PLPPR4: variants seen among roughly 807,000 people sequenced by gnomAD.
The protein encoded by PLPPR4 is phospholipid phosphatase-related protein type 4.
Under a neutral mutation model 56.6 loss-of-function variants are expected in PLPPR4, and 24 were observed. The observed-to-expected ratio is 0.42, with a 90% CI of 0.31 to 0.60. PLPPR4 has a LOEUF of 0.60. Among genes scored for constraint, PLPPR4 ranks in the 20% least tolerant of loss-of-function variants. PLPPR4 has a pLI of 0.13. For synonymous variants in PLPPR4, 326 were observed against 328.1 expected (o/e 0.99, Z 0.07); for missense variants, 654 against 885.8 (o/e 0.74, Z 3.32).
chr1:99,287,877 C>T (rs933805892), intron 1 of PLPPR4, 88 bp from the exon 2 acceptor site: 37 of 923,242 alleles, frequency 4.0e-5, no homozygotes, highest in African/African-American at 6.7e-5. Context: ...AGAAGAGTAG[C>T]GAGAGAAGGA....
chr1:99,296,620 T>C (rs1659747960), intron 2 of PLPPR4, 118 bp from the exon 3 acceptor site: 4 of 866,918 alleles, frequency 4.6e-6, no homozygotes, highest in Non-Finnish European at 6.5e-6. Flanking sequence ...TTTAAGAAAA[T>C]TTACATCTTT....
At chr1:99,270,953 A>G (rs368494052) in intron 1 of PLPPR4, among the ~76,000 whole-genome samples, 1 of 152,236 alleles carries the variant, frequency 6.6e-6, no homozygotes, top group African/African-American at 2.4e-5. Context: ...ATAGAGTTAA[A>G]TGAGGACATT....
intron 3 of PLPPR4, among the ~76,000 whole-genome samples, chr1:99,298,152 C>T (rs1423879308): frequency 6.6e-6 from 1 of 152,026 alleles, no homozygotes; most frequent in Non-Finnish European, 1.5e-5. Context: ...GGTCTGGAGG[C>T]GGTGACTGAA....
Position 99,307,202 on chromosome 1 carries a change from A to T in PLPPR4, c.*192A>T. 4.8e-6 allele frequency: 3 copies of T among 629,710 alleles called. No individual in the cohort carries two copies. In the South Asian group the frequency reaches 7.2e-5, roughly 15 times the overall value. 39.0% of individuals were successfully genotyped at this position (629,710 alleles called of 1,614,324 possible). A position where few individuals can be genotyped will look rare whatever the true frequency, so the allele number is the denominator to read the frequency against. The stretch of plus-strand genomic sequence containing the variant: ...TCAAGGAGAGGGAAAAGCACAATGC[A>T]AGAACCTAACTAACGTGATGATATG... On this transcript the variant is annotated 3_prime_UTR_variant, in exon 7 of 7. Transcript: ENST00000370185.
chr1:99,305,176 A>C (rs987154873), intron 6 of PLPPR4, among the ~76,000 whole-genome samples: 1 of 152,186 alleles, frequency 6.6e-6, no homozygotes, highest in Non-Finnish European at 1.5e-5. Context: ...TGCGAGTCGT[A>C]ATAACATATG....
chr1:99,263,483 G>C (rs1294103619), upstream of PLPPR4, among the ~76,000 whole-genome samples: 1 of 152,120 alleles, frequency 6.6e-6, no homozygotes, highest in Non-Finnish European at 1.5e-5. Context: ...GTTGGGAATT[G>C]GCCATCACAT....
chr1:99,283,854 A>T lies in PLPPR4; in HGVS notation c.79-4111A>T, dbSNP rs1363819590. ...GTAGTCCCAGCTACTCAGGAGACTG[A>T]GGCAGGAGAATCGCTTGAACTCGGG... On this transcript the variant is annotated intron_variant, in intron 1 of 6. Coordinates refer to ENST00000370185, the MANE Select transcript of PLPPR4 (RefSeq NM_014839.5). 4.6e-5 allele frequency among the ~76,000 whole-genome samples: 7 copies of T among 152,286 alleles called. No homozygotes were observed. The East Asian group carries it at 1.4e-3, about 29-fold the overall frequency.
chr1:99,300,862 A>G (rs376330066), intron 4 of PLPPR4, 47 bp from the exon 5 acceptor site: 2 of 1,360,718 alleles, frequency 1.5e-6, no homozygotes, highest in Non-Finnish European at 2.1e-6. Context: ...GATTGCTAGC[A>G]GTGTATCTGA....
intron 1 of PLPPR4, among the ~76,000 whole-genome samples, chr1:99,275,478 C>CAAAT (rs763987992): frequency 1.3e-5 from 2 of 152,074 alleles, no homozygotes; most frequent in African/African-American, 2.4e-5. Context: ...TAGAACAATG[C>CAAAT]AAATAGCTGA....
At chr1:99,271,989 A>G (rs1390098920) in intron 1 of PLPPR4, among the ~76,000 whole-genome samples, 1 of 151,246 alleles carries the variant, frequency 6.6e-6, no homozygotes, top group Non-Finnish European at 1.5e-5. Flanking sequence ...CCCTTTAAAC[A>G]TTTTGGTTTT....
At chr1:99,284,975 G>T (rs528230388) in intron 1 of PLPPR4, among the ~76,000 whole-genome samples, 1 of 152,072 alleles carries the variant, frequency 6.6e-6, no homozygotes, top group African/African-American at 2.4e-5. Flanking sequence ...TTCCTAAAAA[G>T]AAGTACTAGG....
At position 99,306,646 on chromosome 1, in the gene PLPPR4, G is replaced by C; in HGVS notation, c.1784G>C (p.Gly595Ala). The C allele has an allele frequency of 1.2e-6, 2 of 1,614,150 alleles. No individual in the cohort carries two copies. The highest frequency in any genetic ancestry group is 1.7e-6 in the Non-Finnish European group (2 of 1,180,024). The change falls in exon 7 of 7, where the codon GGC becomes GCC. Residue 595 changes from glycine (G) to alanine (A), a missense_variant. Physicochemically the swap from Gly to Ala is moderately conservative, Grantham distance 60. This residue lies in a region of PLPPR4 where 468 missense variants were observed against 554.3 expected (regional missense o/e 0.84). Coordinates refer to ENST00000370185, the MANE Select transcript of PLPPR4 (RefSeq NM_014839.5). The surrounding 1 kb of genome is among the most constrained non-coding windows in gnomAD (Gnocchi z 4.0). ...CAGATCCCGTCCACTGAAGGTGAAG[G>C]CAGTGGCTCCTGGAAGTGGAAAGCC... The part of the protein sequence containing the change: ...IIQIPSTEGE[G>A]SGSWKWKAPE...
chr1:99,308,442 A>T lies in PLPPR4; in HGVS notation c.*1432A>T, dbSNP rs988032406. 1 of 152,576 alleles carries T rather than the reference A, an allele frequency of 6.6e-6. No homozygotes were observed. Among genetic ancestry groups the T allele is most frequent in the Non-Finnish European group, 1.5e-5 (1 of 68,054 alleles). 9.5% of individuals were successfully genotyped at this position (152,576 alleles called of 1,614,324 possible). ...TTGATAAGAAGAAGATAAAAACAAA[A>T]TATTTTGGAGTGTTTTCCAACTTAA... On this transcript the variant is annotated 3_prime_UTR_variant, in exon 7 of 7. Coordinates refer to ENST00000370185, the MANE Select transcript of PLPPR4 (RefSeq NM_014839.5).
At chr1:99,293,015 G>A (rs530472384) in intron 2 of PLPPR4, among the ~76,000 whole-genome samples, 1 of 152,158 alleles carries the variant, frequency 6.6e-6, no homozygotes, top group African/African-American at 2.4e-5. Context: ...GCATAAGCCT[G>A]TTCCAAAAAT....
At chr1:99,270,582 C>T (rs975897440) in intron 1 of PLPPR4, among the ~76,000 whole-genome samples, 1 of 152,204 alleles carries the variant, frequency 6.6e-6, no homozygotes, top group Non-Finnish European at 1.5e-5. Context: ...AAAGTGTCCA[C>T]AGGTTTTTAA....
chr1:99,289,928 A>C (rs889911657), intron 2 of PLPPR4, among the ~76,000 whole-genome samples: 1 of 152,126 alleles, frequency 6.6e-6, no homozygotes, highest in Non-Finnish European at 1.5e-5. Flanking sequence ...CCTAGTATTA[A>C]ATTCTGGCCA....
intron 2 of PLPPR4, among the ~76,000 whole-genome samples, chr1:99,289,389 TAC>T (rs1659557590): frequency 6.6e-6 from 1 of 152,146 alleles, no homozygotes. Context: ...ACAATTTAAA[TAC>T]ATAGTGTATA....
At chr1:99,270,761 A>G (rs1403388240) in intron 1 of PLPPR4, among the ~76,000 whole-genome samples, 2 of 152,226 alleles carry the variant, frequency 1.3e-5, no homozygotes, top group African/African-American at 4.8e-5. Flanking sequence ...TGCATATACC[A>G]AAATAGTAGC....
chr1:99,306,771 C>A lies in PLPPR4; in HGVS notation c.1909C>A (p.Arg637Ser). 2 of 1,613,950 alleles carry A rather than the reference C, an allele frequency of 1.2e-6. No individual in the cohort carries two copies. Among genetic ancestry groups the A allele is most frequent in the Non-Finnish European group, 1.7e-6 (2 of 1,179,960 alleles). Residue 637 changes from arginine (R) to serine (S), a missense_variant, in exon 7 of 7, where the codon CGC becomes AGC. Transcript: ENST00000370185. The surrounding 1 kb of genome is among the most constrained non-coding windows in gnomAD (Gnocchi z 4.0). Reference protein sequence around the residue: ...SLKDSFGSGDRKRSNIDSNEH... With the variant: ...SLKDSFGSGDSKRSNIDSNEH... ...GAAAGACAGCTTTGGTTCTGGAGAT[C>A]GCAAGAGAAGCAACATTGATAGCAA...
Sources: gnomAD v4.1 joint callset for allele counts (sites outside exome capture counted in the v4.1 genomes callset) on GRCh38, gnomAD v4.1.1 for gene constraint, gnomAD v4.1.1 regional missense constraint, Gnocchi (gnomAD v3.1) non-coding constraint, MANE v1.5 for transcripts, NCBI Gene and HGNC (gene_info 2026-07-23, HGNC 2026-07-21) for gene names.